Variants in IQCM observed in about 807,000 individuals in gnomAD.
IQCM encodes the protein IQ domain-containing protein M.
A neutral mutation model predicts 57.6 loss-of-function variants in IQCM; 45 were observed. That is an observed-to-expected ratio of 0.78 (90% confidence interval 0.62 to 1.00). IQCM has a LOEUF of 1.00. Among genes scored for constraint, IQCM ranks in the 50% least tolerant of loss-of-function variants. IQCM has a pLI of 0.00. For missense variants in IQCM, 468 were observed against 511.6 expected, an observed-to-expected ratio of 0.91 and a Z score of 0.82; for synonymous variants, 148 against 158.9, an observed-to-expected ratio of 0.93 and a Z score of 0.51.
intron 9 of IQCM, among the ~76,000 whole-genome samples, chr4:149,566,515 C>CGA (rs144416069): frequency 6.3e-4 from 92 of 146,700 alleles, no homozygotes; most frequent in South Asian, 3.7e-3. Context: ...TACACATGTA[C>CGA]GAGAGAGAGA....
chr4:149,800,006 G>A (rs1347432052), intron 2 of IQCM, among the ~76,000 whole-genome samples: 1 of 151,650 alleles, frequency 6.6e-6, no homozygotes, highest in Non-Finnish European at 1.5e-5. Context: ...CCACAATCTA[G>A]TAATACCCTG....
chr4:149,481,701 G>GTTGTTGTTTTTT (rs1740816388), intron 12 of IQCM, among the ~76,000 whole-genome samples: 1 of 51,550 alleles, frequency 1.9e-5, no homozygotes, highest in African/African-American at 7.6e-5. Context: ...TTCCAGTTTT[G>GTTGTTGTTTTTT]TTTTTTTTTT....
rs553753216 is a variant in IQCM at position 149,768,654 on chromosome 4, G to T, written c.-48-25915C>A. Among the ~76,000 whole-genome samples the T allele has an allele frequency of 2.0e-5, 3 of 152,050 alleles. No individual in the cohort carries two copies. In the South Asian group the frequency reaches 6.2e-4, roughly 32 times the overall value. On this transcript the variant is annotated intron_variant, in intron 2 of 13. Transcript: ENST00000636793. ...GCCTGTGACATTTTTCATGTAATGG[G>T]ATTATCCCACTATTTCCCCCACCCC...
intron 12 of IQCM, among the ~76,000 whole-genome samples, chr4:149,476,829 T>G (rs1740253850): frequency 6.6e-6 from 1 of 152,136 alleles, no homozygotes; most frequent in African/African-American, 2.4e-5. Context: ...AAAAAAAACC[T>G]TCTCCATCTC....
chr4:149,815,418 A>G (rs950335493), intron 1 of IQCM, 70 bp from the exon 2 acceptor site: 11 of 151,990 alleles, frequency 7.2e-5, no homozygotes, highest in Non-Finnish European at 1.3e-4. Context: ...TGTCAACCAT[A>G]TATCTTATCA....
chr4:149,354,368 A>AC (rs1728791578), intron 13 of IQCM, among the ~76,000 whole-genome samples: 1 of 84,854 alleles, frequency 1.2e-5, no homozygotes, highest in Non-Finnish European at 3.0e-5. Flanking sequence ...CGTCTCAAAA[A>AC]AAAAAAAAAA....
intron 8 of IQCM, among the ~76,000 whole-genome samples, chr4:149,592,386 C>T (rs952218510): frequency 6.6e-6 from 1 of 151,886 alleles, no homozygotes; most frequent in African/African-American, 2.4e-5. Context: ...GATTGCAAAA[C>T]TTTTCTCCCA....
At chr4:149,455,587 A>C (rs923714094) in intron 12 of IQCM, among the ~76,000 whole-genome samples, 1 of 152,102 alleles carries the variant, frequency 6.6e-6, no homozygotes, top group Non-Finnish European at 1.5e-5. Flanking sequence ...AGCACCTACT[A>C]TGTGCTAGAT....
At chr4:149,791,218 T>C (rs1772573638) in intron 2 of IQCM, among the ~76,000 whole-genome samples, 1 of 152,134 alleles carries the variant, frequency 6.6e-6, no homozygotes, top group African/African-American at 2.4e-5. Context: ...TTTGCCAAAT[T>C]TTATTACTGT....
chr4:149,514,912 T>C (rs984315070), intron 12 of IQCM, among the ~76,000 whole-genome samples: 1 of 152,156 alleles, frequency 6.6e-6, no homozygotes, highest in Non-Finnish European at 1.5e-5. Flanking sequence ...AACATCTTTC[T>C]TCTGTGCTGG....
At chr4:149,796,288 G>A (rs1773110116) in intron 2 of IQCM, among the ~76,000 whole-genome samples, 1 of 152,176 alleles carries the variant, frequency 6.6e-6, no homozygotes, top group Non-Finnish European at 1.5e-5. Flanking sequence ...CTCCTCCTGT[G>A]CCTGAGGTGG....
intron 13 of IQCM, among the ~76,000 whole-genome samples, chr4:149,357,863 T>A (rs1170663356): frequency 6.6e-6 from 1 of 152,190 alleles, no homozygotes; most frequent in Non-Finnish European, 1.5e-5. Context: ...CGGCTGTGAA[T>A]CCATCTGGTC....
chr4:149,631,116 C>T (rs1757226407), intron 7 of IQCM, among the ~76,000 whole-genome samples: 1 of 152,114 alleles, frequency 6.6e-6, no homozygotes, highest in Non-Finnish European at 1.5e-5. Flanking sequence ...AATAAGAGAT[C>T]CTGGGTACTA....
At chr4:149,813,715 T>C (rs1439617615) in intron 2 of IQCM, among the ~76,000 whole-genome samples, 1 of 152,140 alleles carries the variant, frequency 6.6e-6, no homozygotes, top group Non-Finnish European at 1.5e-5. Context: ...AGCATCTTTA[T>C]ATTGAGCTAG....
At chr4:149,398,346 G>T (rs1377215205) in intron 13 of IQCM, among the ~76,000 whole-genome samples, 1 of 151,848 alleles carries the variant, frequency 6.6e-6, no homozygotes, top group African/African-American at 2.4e-5. Context: ...TTTATTTGTG[G>T]TCTTTTGTAG....
intron 2 of IQCM, among the ~76,000 whole-genome samples, chr4:149,758,443 A>G (rs974154623): frequency 4.6e-5 from 7 of 152,198 alleles, no homozygotes; most frequent in Non-Finnish European, 1.5e-5. Context: ...ATATGACACC[A>G]AAGTTATTAT....
At chr4:149,553,383 T>C (rs528286284) in intron 10 of IQCM, 96 bp from the exon 11 acceptor site, 2 of 991,232 alleles carry the variant, frequency 2.0e-6, no homozygotes, top group South Asian at 5.3e-5. Flanking sequence ...GTTTCTAAGA[T>C]TATGGGTGTA....
intron 13 of IQCM, among the ~76,000 whole-genome samples, chr4:149,404,084 C>T (rs188078084): frequency 3.9e-5 from 6 of 152,096 alleles, no homozygotes; most frequent in Non-Finnish European, 5.9e-5. Context: ...GATGGATACA[C>T]AGAGTAAGAC....
chr4:149,654,561 C>T lies in IQCM; in HGVS notation c.565+27557G>A, dbSNP rs145594182. 2.7e-3 allele frequency among the ~76,000 whole-genome samples: 407 copies of T among 152,314 alleles called. 4 individuals carry two copies. Among genetic ancestry groups the T allele is most frequent in the African/African-American group, 9.0e-3 (374 of 41,572 alleles). ...AGCAGATGTCTGCACTAGGCTTGTA[C>T]AGCCTGCAGAACCATAAGCCAATTA... On this transcript the variant is annotated intron_variant, in intron 7 of 13. Transcript: ENST00000636793.
Sources: gnomAD v4.1 joint callset for allele counts (sites outside exome capture counted in the v4.1 genomes callset) on GRCh38, gnomAD v4.1.1 for gene constraint, MANE v1.5 for transcripts, NCBI Gene and HGNC (gene_info 2026-07-23, HGNC 2026-07-21) for gene names.